Variants in RASGEF1B observed in about 807,000 individuals in gnomAD.
RASGEF1B encodes the protein RasGEF domain family member 1B.
In RASGEF1B, 30 loss-of-function variants were observed where a neutral mutation model predicts 65.7. That is an observed-to-expected ratio of 0.46 (90% CI 0.34 to 0.62). The LOEUF is 0.62. RASGEF1B is among the 20% of genes least tolerant of loss of function. The pLI is 0.01. For missense variants in RASGEF1B, 495 were observed against 580.1 expected (o/e 0.85, Z 1.51); for synonymous variants, 175 against 194.8 (o/e 0.90, Z 0.85).
intron 13 of RASGEF1B, among the ~76,000 whole-genome samples, chr4:81,431,380 G>A (rs1291511687): frequency 2.6e-5 from 4 of 151,692 alleles, no homozygotes; most frequent in African/African-American, 7.3e-5. Flanking sequence ...TTTGTGTCTG[G>A]GCATACAAGG....
intron 5 of RASGEF1B, 110 bp from the exon 6 acceptor site, chr4:81,447,688 T>C (rs1187949238): frequency 2.4e-6 from 2 of 823,048 alleles, no homozygotes; most frequent in Non-Finnish European, 4.0e-6. Context: ...ATGAAGATTA[T>C]AAAATAAACC....
intron 4 of RASGEF1B, chr4:81,452,660 C>T (rs1406069702): frequency 6.6e-6 from 1 of 152,130 alleles, no homozygotes; most frequent in African/African-American, 2.4e-5. Context: ...TGGTTCCTCA[C>T]TGAGTCATGA....
chr4:81,437,712 T>C (rs1721679294), intron 10 of RASGEF1B, among the ~76,000 whole-genome samples: 1 of 152,188 alleles, frequency 6.6e-6, no homozygotes, highest in Admixed American at 6.5e-5. Context: ...AATCACTCTT[T>C]CATAGAAATA....
intron 8 of RASGEF1B, among the ~76,000 whole-genome samples, chr4:81,443,122 G>A (rs1399174211): frequency 3.9e-5 from 6 of 152,354 alleles, no homozygotes; most frequent in African/African-American, 1.4e-4. Flanking sequence ...AAGCCATGCT[G>A]CCTCTCCTGA....
In RASGEF1B at chr4:81,457,598, T is replaced by G; in HGVS notation, c.201A>C (p.Leu67=). Residue 67 remains leucine, a synonymous_variant, in exon 3 of 14, where the codon CTA becomes CTC. Transcript: ENST00000264400. ...GATGCATAAATAACCGAGAACTGAG[T>G]AGGAAGGTAAATATGTATGTTCTCT... The part of the protein sequence containing the change: ...YPDRTYIFTF[L]LSSRLFMHPY... 6.2e-7 allele frequency: 1 copy of G among 1,613,862 alleles called. No homozygotes were observed.
At chr4:81,442,173 G>A (rs1721861317) in intron 9 of RASGEF1B, 124 bp downstream of exon 9, 2 of 685,676 alleles carry the variant, frequency 2.9e-6, no homozygotes, top group Non-Finnish European at 5.2e-6. Flanking sequence ...CCTTTCCCTG[G>A]GTCTGTAAAG....
At chr4:81,446,771 A>T (rs1014776374) in intron 6 of RASGEF1B, among the ~76,000 whole-genome samples, 5 of 152,166 alleles carry the variant, frequency 3.3e-5, no homozygotes, top group Non-Finnish European at 7.3e-5. Context: ...TCCTTCCAAA[A>T]GAAAGAGACA....
intron 1 of RASGEF1B, among the ~76,000 whole-genome samples, chr4:81,466,077 A>C (rs1274608465): frequency 6.6e-6 from 1 of 152,214 alleles, no homozygotes; most frequent in East Asian, 1.9e-4. Context: ...AAAAACACTT[A>C]AGTAGATGAA....
chr4:81,451,639 A>G (rs1022330174), intron 4 of RASGEF1B: 1 of 152,210 alleles, frequency 6.6e-6, no homozygotes, highest in African/African-American at 2.4e-5. Flanking sequence ...CTAAGTGAAT[A>G]TATTCCTATA....
chr4:81,453,145 C>T (rs1374805598), intron 4 of RASGEF1B: 2 of 152,106 alleles, frequency 1.3e-5, no homozygotes, highest in Non-Finnish European at 2.9e-5. Context: ...TTCATTCAAA[C>T]ACTACTGAGA....
intron 3 of RASGEF1B, 76 bp downstream of exon 3, chr4:81,457,423 C>A (rs1578635835): frequency 6.6e-6 from 10 of 1,526,104 alleles, no homozygotes; most frequent in African/African-American, 1.4e-5. Flanking sequence ...GCCAGGGTTA[C>A]TTAAGGAACC....
intron 8 of RASGEF1B, among the ~76,000 whole-genome samples, chr4:81,444,008 A>G (rs1311555300): frequency 2.6e-5 from 4 of 152,196 alleles, no homozygotes; most frequent in Non-Finnish European, 4.4e-5. Context: ...GCTGCAATTT[A>G]ATTTGTATTT....
At chr4:81,449,830 C>T (rs1722185647) in intron 4 of RASGEF1B, among the ~76,000 whole-genome samples, 1 of 152,176 alleles carries the variant, frequency 6.6e-6, no homozygotes, top group Non-Finnish European at 1.5e-5. Flanking sequence ...AGGAGAATGA[C>T]AACATATCTA....
chr4:81,458,128 G>A (rs552264156), intron 2 of RASGEF1B, among the ~76,000 whole-genome samples: 31 of 152,316 alleles, frequency 2.0e-4, no homozygotes, highest in South Asian at 1.0e-3. Context: ...AAGTGTTTGT[G>A]TCAGAACATT....
At chr4:81,450,776 T>C (rs1203722046) in intron 4 of RASGEF1B, 1 of 152,080 alleles carries the variant, frequency 6.6e-6, no homozygotes, top group African/African-American at 2.4e-5. Flanking sequence ...GGTGGGAGGA[T>C]TGCTTGAGCC....
chr4:81,470,615 G>A (rs1004604915), intron 1 of RASGEF1B, among the ~76,000 whole-genome samples: 3 of 152,198 alleles, frequency 2.0e-5, no homozygotes, highest in Non-Finnish European at 4.4e-5. Flanking sequence ...ACATGGTGCT[G>A]ACGAAGGACT....
intron 4 of RASGEF1B, among the ~76,000 whole-genome samples, chr4:81,449,150 A>G (rs1006883667): frequency 6.6e-6 from 1 of 152,162 alleles, no homozygotes; most frequent in Non-Finnish European, 1.5e-5. Flanking sequence ...GTGCATTACC[A>G]TGAGGAAGCA....
intron 4 of RASGEF1B, among the ~76,000 whole-genome samples, chr4:81,448,550 T>C (rs188175285): frequency 2.0e-5 from 3 of 152,346 alleles, no homozygotes; most frequent in African/African-American, 7.2e-5. Context: ...CGTGACAATT[T>C]AGATTACATC....
chr4:81,468,475 G>T (rs1237279720), intron 1 of RASGEF1B, among the ~76,000 whole-genome samples: 1 of 151,994 alleles, frequency 6.6e-6, no homozygotes, highest in Admixed American at 6.6e-5. Flanking sequence ...CCAGACATAG[G>T]CATATCCTGA....
Sources: gnomAD v4.1 joint callset for allele counts (sites outside exome capture counted in the v4.1 genomes callset) on GRCh38, gnomAD v4.1.1 for gene constraint, MANE v1.5 for transcripts, NCBI Gene and HGNC (gene_info 2026-07-23, HGNC 2026-07-21) for gene names.